The following SULT4A1 variants were observed in gnomAD, a reference collection of about 807,000 sequenced individuals.
SULT4A1 encodes sulfotransferase family 4A member 1.
SULT4A1 carries 11 observed loss-of-function variants against 35.2 expected under a neutral mutation model. The observed-to-expected ratio is 0.31, with a 90% confidence interval of 0.20 to 0.52. SULT4A1 has a LOEUF of 0.52. Among genes scored for constraint, SULT4A1 ranks in the 20% least tolerant of loss-of-function variants. SULT4A1 has a pLI of 0.97. For missense variants in SULT4A1, 271 were observed against 383.7 expected (o/e 0.71, Z 2.45); for synonymous variants, 152 against 151.8 (o/e 1.00, Z -0.01).
chr22:43,839,904 G>A (rs1313266085), intron 3 of SULT4A1, 41 bp downstream of exon 3: 5 of 1,563,130 alleles, frequency 3.2e-6, no homozygotes, highest in African/African-American at 2.7e-5. Flanking sequence ...GCTCCTCTTG[G>A]TGGGGACTCA....
At chr22:43,839,593 C>CA (rs1161978763) in intron 3 of SULT4A1, among the ~76,000 whole-genome samples, 4 of 152,068 alleles carry the variant, frequency 2.6e-5, no homozygotes, top group South Asian at 2.1e-4. Flanking sequence ...GTCTCAAAAA[C>CA]AAAAAAACAA....
chr22:43,827,777 A>G, intron 6 of SULT4A1: 1 of 440,094 alleles, frequency 2.3e-6, no homozygotes. Flanking sequence ...ACACACACAC[A>G]CACACGTGAA....
chr22:43,836,261 G>A (rs1252840082), intron 4 of SULT4A1, among the ~76,000 whole-genome samples: 1 of 129,426 alleles, frequency 7.7e-6, no homozygotes, highest in Non-Finnish European at 1.7e-5. Context: ...CAGGGAGCCT[G>A]TCTACACAGC....
At chr22:43,839,159 C>T (rs956671232) in intron 3 of SULT4A1, among the ~76,000 whole-genome samples, 166 bp from the exon 4 acceptor site, 3 of 152,260 alleles carry the variant, frequency 2.0e-5, no homozygotes, top group African/African-American at 4.8e-5. Flanking sequence ...GCTGCTGCTT[C>T]GCTGTTTCAG....
chr22:43,853,764 C>G (rs2049370250), intron 1 of SULT4A1, among the ~76,000 whole-genome samples: 1 of 152,204 alleles, frequency 6.6e-6, no homozygotes, highest in Non-Finnish European at 1.5e-5. Flanking sequence ...GGTATACAAC[C>G]CTGAGGCTGC....
intron 1 of SULT4A1, among the ~76,000 whole-genome samples, chr22:43,861,547 A>G (rs58262800): frequency 0.098 from 14,870 of 152,256 alleles, 791 homozygotes; most frequent in Admixed American, 0.12. Context: ...CCTAGACTGT[A>G]AAGTGGGAAT....
chr22:43,844,785 A>G (rs970897445), intron 1 of SULT4A1, among the ~76,000 whole-genome samples: 2 of 152,148 alleles, frequency 1.3e-5, no homozygotes, highest in African/African-American at 4.8e-5. Context: ...GATCACCTGC[A>G]GTGCACACCC....
At chr22:43,851,593 C>CA (rs976173322) in intron 1 of SULT4A1, among the ~76,000 whole-genome samples, 5 of 152,254 alleles carry the variant, frequency 3.3e-5, no homozygotes, top group South Asian at 2.1e-4. Context: ...GTCAATTTCT[C>CA]AAAAGAGGGT....
Position 43,862,427 on chromosome 22 carries a change from C to CCGCCCGCGCCCG in SULT4A1, c.-46_-45insCGGGCGCGGGCG, listed in dbSNP as rs1318308712. The CCGCCCGCGCCCG allele has an allele frequency of 3.5e-5, 33 of 934,250 alleles. No homozygotes were observed. Among genetic ancestry groups the CCGCCCGCGCCCG allele is most frequent in the African/African-American group, 2.3e-4 (11 of 47,716 alleles). 57.9% of individuals were successfully genotyped at this position (934,250 alleles called of 1,614,324 possible). On this transcript the variant is annotated 5_prime_UTR_variant, in exon 1 of 7. Coordinates refer to ENST00000330884, the MANE Select transcript of SULT4A1 (RefSeq NM_014351.4). ...CCGCCGCCGCCTCCCGGCTCGCAGC[C>CCGCCCGCGCCCG]CGCACGCGCCCGCGCCCGCGCCCGC...
intron 2 of SULT4A1, among the ~76,000 whole-genome samples, chr22:43,840,957 C>T (rs1000992428): frequency 6.6e-6 from 1 of 152,242 alleles, no homozygotes; most frequent in South Asian, 2.1e-4. Flanking sequence ...TGGTCCCCCC[C>T]TGATCTGCTC....
chr22:43,835,457 T>C (rs1193583674), intron 4 of SULT4A1, among the ~76,000 whole-genome samples: 1 of 152,202 alleles, frequency 6.6e-6, no homozygotes, highest in Non-Finnish European at 1.5e-5. Flanking sequence ...ACTCCTCTGC[T>C]GGGCCCTGCC....
rs2063282793 is a variant in SULT4A1 at position 43,825,795 on chromosome 22, T to C, written c.*206A>G. The C allele has an allele frequency of 1.8e-6, 1 of 555,288 alleles. No homozygotes were observed. The highest frequency in any genetic ancestry group is 2.1e-5 in the South Asian group (1 of 47,748). The allele number at this position is 555,288 out of a possible 1,614,324, so 34.4% of individuals were successfully genotyped here. On this transcript the variant is annotated 3_prime_UTR_variant, in exon 7 of 7. Transcript: ENST00000330884. ...TGTGGAGACTGTTTGTAATCAGACATGGAGAGGCTGCACGTTCTAAAGGCG... is the reference window on the plus strand; with the variant it reads ...TGTGGAGACTGTTTGTAATCAGACACGGAGAGGCTGCACGTTCTAAAGGCG...
intron 6 of SULT4A1, chr22:43,827,755 C>CCA (rs3223292): frequency 0.16 from 53,316 of 323,812 alleles, 2,439 homozygotes; most frequent in East Asian, 0.39. Flanking sequence ...CGCTGCTTCA[C>CCA]CACACACACA....
At chr22:43,831,346 C>T (rs1003505398) in intron 5 of SULT4A1, among the ~76,000 whole-genome samples, 1 of 129,524 alleles carries the variant, frequency 7.7e-6, no homozygotes, top group Non-Finnish European at 1.7e-5. Context: ...CCCTATTCAC[C>T]TTCTCATGTT....
intron 1 of SULT4A1, among the ~76,000 whole-genome samples, chr22:43,842,712 G>C (rs919125724): frequency 6.6e-6 from 1 of 152,130 alleles, no homozygotes; most frequent in Non-Finnish European, 1.5e-5. Flanking sequence ...TTCAAGGATG[G>C]GCAAAACTCA....
At chr22:43,850,560 C>A (rs945856478) in intron 1 of SULT4A1, among the ~76,000 whole-genome samples, 24 of 152,334 alleles carry the variant, frequency 1.6e-4, no homozygotes, top group African/African-American at 5.8e-4. Context: ...TGGGTGTTCG[C>A]TCGATCCTGT....
At chr22:43,827,307 G>A (rs2063294176) in intron 6 of SULT4A1, 1 of 985,412 alleles carries the variant, frequency 1.0e-6, no homozygotes. Context: ...TGCAAATGCT[G>A]AGCTAAAATA....
At chr22:43,850,021 T>C (rs943752219) in intron 1 of SULT4A1, among the ~76,000 whole-genome samples, 8 of 152,154 alleles carry the variant, frequency 5.3e-5, no homozygotes, top group African/African-American at 1.9e-4. Flanking sequence ...CCCCTGCCAG[T>C]GCCAGAGCAG....
chr22:43,829,174 G>C lies in SULT4A1; in HGVS notation c.628C>G (p.Leu210Val). ...HRDLVTMVEQ[L>V]ARFLGVSCDK... ...CAGGACACCCCCAGGAATCTGGCCAGCTGCTCCACCATCGTCACCAGGTCC... is the reference window on the plus strand; with the variant it reads ...CAGGACACCCCCAGGAATCTGGCCACCTGCTCCACCATCGTCACCAGGTCC... The change falls in exon 6 of 7, where the codon CTG becomes GTG. Residue 210 changes from leucine (L) to valine (V), a missense_variant. This residue lies in a region of SULT4A1 where 75 missense variants were observed against 67.7 expected (regional missense o/e 1.11). Coordinates refer to ENST00000330884, the MANE Select transcript of SULT4A1 (RefSeq NM_014351.4). 1 of 1,566,104 alleles carries C rather than the reference G, an allele frequency of 6.4e-7. No homozygotes were observed. Among genetic ancestry groups the C allele is most frequent in the Non-Finnish European group, 8.7e-7 (1 of 1,155,558 alleles).
Sources: gnomAD v4.1 joint callset for allele counts (sites outside exome capture counted in the v4.1 genomes callset) on GRCh38, gnomAD v4.1.1 for gene constraint, gnomAD v4.1.1 regional missense constraint, MANE v1.5 for transcripts, NCBI Gene and HGNC (gene_info 2026-07-23, HGNC 2026-07-21) for gene names.